JAK1: variants seen among roughly 807,000 people sequenced by gnomAD.
JAK1 encodes tyrosine-protein kinase JAK1.
Under a neutral mutation model 136.6 loss-of-function variants are expected in JAK1, and 16 were observed. The ratio of observed to expected loss-of-function variants is 0.12; its 90% CI spans 0.08 to 0.18. The LOEUF (loss-of-function observed/expected upper bound fraction) is 0.18, where lower values mean the gene tolerates loss of function less well. JAK1 is among the 10% of genes least tolerant of loss of function. JAK1 has a pLI of 1.00. For synonymous variants in JAK1, 492 were observed against 519.5 expected, an observed-to-expected ratio of 0.95 and a Z score of 0.72; for missense variants, 859 against 1,450.1, an observed-to-expected ratio of 0.59 and a Z score of 6.62.
chr1:65,039,458 A>C (rs993068136), intron 2 of JAK1, among the ~76,000 whole-genome samples: 7 of 152,202 alleles, frequency 4.6e-5, no homozygotes, highest in Middle Eastern at 3.2e-3. Context: ...CTAGTTAAGA[A>C]ACAGATTTAT....
intron 1 of JAK1, among the ~76,000 whole-genome samples, chr1:65,046,291 C>T (rs1260613139): frequency 6.6e-6 from 1 of 152,124 alleles, no homozygotes; most frequent in Non-Finnish European, 1.5e-5. Flanking sequence ...CCCAATACCC[C>T]ACCTGCAGGC....
Position 64,839,592 on chromosome 1 carries a change from G to A in JAK1, c.2842+11C>T, listed in dbSNP as rs771366449. On this transcript the variant is annotated intron_variant, in intron 20 of 24. Transcript: ENST00000342505. Reference sequence around the variant, plus strand: ...AATCTTTAAACCGGACCCCAGCCTTGCATAACATACCGTCTTCTGTGCAGA... The same window carrying A: ...AATCTTTAAACCGGACCCCAGCCTTACATAACATACCGTCTTCTGTGCAGA... 6.2e-7 allele frequency: 1 copy of A among 1,610,856 alleles called. No individual in the cohort carries two copies. The highest frequency in any genetic ancestry group is 8.5e-7 in the Non-Finnish European group (1 of 1,177,834).
Position 64,836,080 on chromosome 1 carries a change from G to A in JAK1, c.3258+18C>T. On this transcript the variant is annotated intron_variant, in intron 23 of 24. Coordinates refer to ENST00000342505, the MANE Select transcript of JAK1 (RefSeq NM_002227.4). ...TAAATGGGTACTGGATTCAAATGAA[G>A]AGAAAAGTAGGACTTACAGCCATGG... 2 of 1,387,936 alleles carry A rather than the reference G, an allele frequency of 1.4e-6. No homozygotes were observed. Among genetic ancestry groups the A allele is most frequent in the Non-Finnish European group, 2.0e-6 (2 of 975,724 alleles). 86.0% of individuals were successfully genotyped at this position (1,387,936 alleles called of 1,614,324 possible). A position where few individuals can be genotyped will look rare whatever the true frequency, so the allele number is the denominator to read the frequency against.
At chr1:64,935,580 C>T (rs1182513203) in intron 1 of JAK1, among the ~76,000 whole-genome samples, 2 of 151,928 alleles carry the variant, frequency 1.3e-5, no homozygotes, top group East Asian at 1.9e-4. Flanking sequence ...AGATTACAGG[C>T]GTGAGCCACC....
chr1:64,960,180 A>C (rs1451580472), intron 1 of JAK1, among the ~76,000 whole-genome samples: 5 of 152,202 alleles, frequency 3.3e-5, no homozygotes, highest in African/African-American at 1.2e-4. Flanking sequence ...TTGAGTTATG[A>C]CCACACCACT....
At chr1:64,860,468 A>ATTTATTTC (rs1319380663) in intron 8 of JAK1, among the ~76,000 whole-genome samples, 2 of 148,012 alleles carry the variant, frequency 1.4e-5, no homozygotes, top group East Asian at 4.0e-4. Context: ...TTATTTATTT[A>ATTTATTTC]TTTGAGATGG....
At chr1:64,985,348 C>T in intron 2 of JAK1, 2 of 1,611,234 alleles carry the variant, frequency 1.2e-6, no homozygotes, top group Middle Eastern at 1.7e-4. Flanking sequence ...TTTTCTTGTG[C>T]CATCCTTGCA....
intron 1 of JAK1, among the ~76,000 whole-genome samples, chr1:64,895,705 A>G (rs968430745): frequency 6.6e-6 from 1 of 152,206 alleles, no homozygotes; most frequent in African/African-American, 2.4e-5. Flanking sequence ...TCAGTTGGTT[A>G]CCTCCTACAG....
intron 1 of JAK1, chr1:65,067,469 G>A (rs1226714167): frequency 6.8e-6 from 1 of 147,066 alleles, no homozygotes; most frequent in Non-Finnish European, 1.5e-5. Flanking sequence ...GGCGGCGCAC[G>A]GGCGCGCACT....
intron 2 of JAK1, among the ~76,000 whole-genome samples, chr1:65,038,960 GTGTT>G (rs1433015000): frequency 1.3e-5 from 2 of 151,380 alleles, no homozygotes; most frequent in Admixed American, 6.6e-5. Context: ...GTGTGTGTGT[GTGTT>G]TGTGTGTGTT....
chr1:65,054,013 G>A (rs1412475603), intron 1 of JAK1, among the ~76,000 whole-genome samples: 1 of 152,206 alleles, frequency 6.6e-6, no homozygotes, highest in African/African-American at 2.4e-5. Context: ...ATCTGGTGGA[G>A]GTAGTCTAAT....
Position 64,879,063 on chromosome 1 carries a change from A to G in JAK1, c.291T>C (p.Val97=). 1 of 1,614,094 alleles carries G rather than the reference A, an allele frequency of 6.2e-7. No homozygotes were observed. The highest frequency in any genetic ancestry group is 1.1e-5 in the South Asian group (1 of 91,076). The change falls in exon 4 of 25, where the codon GTT becomes GTC. Residue 97 remains valine (V), a synonymous_variant. Coordinates refer to ENST00000342505, the MANE Select transcript of JAK1 (RefSeq NM_002227.4). The stretch of plus-strand genomic sequence containing the variant: ...GGAGCCGGAGGGACATCTTGTCATC[A>G]ACGGTGATGGTGCGATTTGGAGCAT... ...LWYAPNRTIT[V]DDKMSLRLHY...
intron 1 of JAK1, among the ~76,000 whole-genome samples, chr1:64,899,599 C>T (rs1240126369): frequency 3.3e-5 from 5 of 152,132 alleles, no homozygotes; most frequent in Non-Finnish European, 5.9e-5. Flanking sequence ...TTTTTGACTA[C>T]CACATTTCTT....
intron 1 of JAK1, among the ~76,000 whole-genome samples, chr1:64,963,873 G>T (rs1006020097): frequency 6.6e-6 from 1 of 152,074 alleles, no homozygotes; most frequent in Admixed American, 6.5e-5. Flanking sequence ...TGTCTTGTGC[G>T]TTATAGGATG....
chr1:64,892,560 C>T (rs1236283621), intron 1 of JAK1, among the ~76,000 whole-genome samples: 1 of 152,208 alleles, frequency 6.6e-6, no homozygotes, highest in Admixed American at 6.5e-5. Flanking sequence ...GTTAAGGTTA[C>T]AGGCATGAAC....
intron 2 of JAK1, among the ~76,000 whole-genome samples, chr1:65,009,900 T>C (rs1646834284): frequency 6.6e-6 from 1 of 152,192 alleles, no homozygotes; most frequent in East Asian, 1.9e-4. Context: ...TTGACTCCTG[T>C]GCCCTCAAGC....
intron 2 of JAK1, chr1:64,993,504 A>C (rs1248818206): frequency 6.6e-6 from 1 of 152,278 alleles, no homozygotes; most frequent in African/African-American, 2.4e-5. Flanking sequence ...TGAACCGCCA[A>C]AGGTCTTCTC....
In JAK1 at chr1:64,886,252, T is replaced by C. The variant is rs781287477; in HGVS notation, c.6+7A>G. ...TTCCTTTTTTAAAAATATGCAAATC[T>C]ACATACCTGCATTTATTCAGCTGTC... On this transcript the variant is annotated splice_region_variant and intron_variant, in intron 2 of 24. Transcript: ENST00000342505. 1 of 1,578,980 alleles carries C rather than the reference T, an allele frequency of 6.3e-7. No individual in the cohort carries two copies. Among genetic ancestry groups the C allele is most frequent in the Non-Finnish European group, 8.7e-7 (1 of 1,155,342 alleles).
intron 1 of JAK1, among the ~76,000 whole-genome samples, chr1:64,932,536 T>C (rs928663919): frequency 4.6e-5 from 7 of 152,204 alleles, no homozygotes; most frequent in Admixed American, 2.6e-4. Flanking sequence ...CACTCTTGCA[T>C]CCAACAAACG....
Sources: gnomAD v4.1 joint callset for allele counts (sites outside exome capture counted in the v4.1 genomes callset) on GRCh38, gnomAD v4.1.1 for gene constraint, MANE v1.5 for transcripts, NCBI Gene and HGNC (gene_info 2026-07-23, HGNC 2026-07-21) for gene names.